PDE1C: variants seen among roughly 807,000 people sequenced by gnomAD.
The protein encoded by PDE1C is phosphodiesterase 1C.
In PDE1C, 62 loss-of-function variants were observed where a neutral mutation model predicts 93.1. The ratio of observed to expected loss-of-function variants is 0.67; its 90% CI spans 0.54 to 0.82. PDE1C has a LOEUF of 0.82. Among genes scored for constraint, PDE1C ranks in the 40% least tolerant of loss-of-function variants. The pLI, the probability that PDE1C is intolerant of heterozygous loss-of-function variation, is 0.00. For missense variants in PDE1C, 742 were observed against 884.6 expected, an observed-to-expected ratio of 0.84 and a Z score of 2.04; for synonymous variants, 325 against 310.1, an observed-to-expected ratio of 1.05 and a Z score of -0.50.
chr7:32,064,201 C>T (rs1182210963), intron 1 of PDE1C, among the ~76,000 whole-genome samples: 1 of 152,192 alleles, frequency 6.6e-6, no homozygotes, highest in Non-Finnish European at 1.5e-5. Flanking sequence ...CTCAGACCCA[C>T]CACTCCAGGC....
At chr7:31,854,601 T>C (rs1217000250) in intron 7 of PDE1C, among the ~76,000 whole-genome samples, 2 of 152,066 alleles carry the variant, frequency 1.3e-5, no homozygotes, top group Non-Finnish European at 2.9e-5. Flanking sequence ...TGAGGAGACA[T>C]GGGGTACAAC....
chr7:31,868,678 C>T (rs1242952290), intron 6 of PDE1C, among the ~76,000 whole-genome samples: 1 of 151,798 alleles, frequency 6.6e-6, no homozygotes, highest in East Asian at 1.9e-4. Flanking sequence ...ACTTAGACAC[C>T]CAGACACAGG....
intron 3 of PDE1C, among the ~76,000 whole-genome samples, chr7:32,133,639 C>G (rs1204423666): frequency 6.6e-6 from 1 of 152,128 alleles, no homozygotes; most frequent in Non-Finnish European, 1.5e-5. Context: ...ACACGCATGA[C>G]AGCTTATATT....
chr7:31,691,972 T>C, the PDE1C span, among the ~76,000 whole-genome samples: 1 of 152,142 alleles, frequency 6.6e-6, no homozygotes, highest in East Asian at 1.9e-4. Context: ...CTAAATTAAT[T>C]AAATTTTCTG....
chr7:32,383,319 A>G (rs114377342), intron 1 of PDE1C, among the ~76,000 whole-genome samples: 1 of 152,358 alleles, frequency 6.6e-6, no homozygotes, highest in African/African-American at 2.4e-5. Context: ...GCCCAGTGAT[A>G]GAGCCCTGAA....
Position 31,876,449 on chromosome 7 carries a change from T to C in PDE1C, c.492+1521A>G, listed in dbSNP as rs1332287020. Among the ~76,000 whole-genome samples, 6 of 152,130 alleles carry C rather than the reference T, an allele frequency of 3.9e-5. No homozygotes were observed. In the East Asian group the frequency reaches 1.2e-3, roughly 29 times the overall value. Reference sequence around the variant, plus strand: ...CCAATTCTTTCTCAGTTATTCTGCATAGAAAAGAGGCTTCAATTTGGATAG... The same window carrying C: ...CCAATTCTTTCTCAGTTATTCTGCACAGAAAAGAGGCTTCAATTTGGATAG... On this transcript the variant is annotated intron_variant, in intron 5 of 17. Coordinates refer to ENST00000396191, the MANE Select transcript of PDE1C (RefSeq NM_001191057.4).
intron 16 of PDE1C, among the ~76,000 whole-genome samples, chr7:31,792,843 C>G (rs560732893): frequency 6.6e-6 from 1 of 152,152 alleles, no homozygotes; most frequent in Admixed American, 6.5e-5. Flanking sequence ...TTGAAGGCCA[C>G]AAAAAGTAGT....
chr7:32,289,811 C>G (rs1453575490), intron 1 of PDE1C, among the ~76,000 whole-genome samples: 1 of 152,166 alleles, frequency 6.6e-6, no homozygotes, highest in African/African-American at 2.4e-5. Context: ...TTTTCTCCTC[C>G]CCAAGCCCGT....
chr7:32,398,569 A>G (rs898279148), intron 1 of PDE1C, among the ~76,000 whole-genome samples: 1 of 151,768 alleles, frequency 6.6e-6, no homozygotes, highest in African/African-American at 2.4e-5. Flanking sequence ...TTGTATTTTT[A>G]GTAGAGATGG....
chr7:31,839,378 T>C (rs926694394), intron 9 of PDE1C, among the ~76,000 whole-genome samples: 2 of 141,646 alleles, frequency 1.4e-5, no homozygotes, highest in African/African-American at 5.5e-5. Flanking sequence ...TTAACACAGA[T>C]ACTAGATATA....
chr7:32,112,680 C>T (rs560997069), intron 3 of PDE1C, among the ~76,000 whole-genome samples: 164 of 150,930 alleles, frequency 1.1e-3, no homozygotes, highest in African/African-American at 3.7e-3. Flanking sequence ...GTCTTGTAAT[C>T]CTGGCCTGAA....
chr7:31,995,415 T>A (rs1006888758), intron 2 of PDE1C, among the ~76,000 whole-genome samples: 2 of 151,972 alleles, frequency 1.3e-5, no homozygotes, highest in African/African-American at 2.4e-5. Context: ...AAACCTGCTA[T>A]GCCCAGAAGC....
intron 9 of PDE1C, 50 bp downstream of exon 9, chr7:31,847,917 CT>C (rs763027064): frequency 6.2e-7 from 1 of 1,602,534 alleles, no homozygotes; most frequent in Admixed American, 1.7e-5. Flanking sequence ...CTTCATCCAA[CT>C]TCAAAGTTCC....
chr7:31,758,684 T>C (rs1794631615), intron 17 of PDE1C, among the ~76,000 whole-genome samples: 1 of 152,230 alleles, frequency 6.6e-6, no homozygotes, highest in Non-Finnish European at 1.5e-5. Flanking sequence ...TCTTCTATAT[T>C]ATTATAGGTT....
At chr7:32,327,789 A>AAAAAAG (rs1554306795) in intron 1 of PDE1C, among the ~76,000 whole-genome samples, 3 of 132,236 alleles carry the variant, frequency 2.3e-5, no homozygotes, top group African/African-American at 8.3e-5. Context: ...AAAAAAAAAA[A>AAAAAAG]AGAGAATCAT....
At chr7:32,171,555 T>C (rs1802653568) in intron 2 of PDE1C, among the ~76,000 whole-genome samples, 1 of 149,678 alleles carries the variant, frequency 6.7e-6, no homozygotes, top group South Asian at 2.1e-4. Context: ...TTTATTATTT[T>C]AACAAAATTA....
chr7:31,656,132 C>CT, the PDE1C span: 1 of 636,676 alleles, frequency 1.6e-6, no homozygotes, highest in Non-Finnish European at 2.0e-6. Context: ...TATCACTTTG[C>CT]TTTTTTGTTA....
rs1164768812 is a variant in PDE1C, at chr7:32,420,122, TATACACACACACACACAC to T, written c.310+7682_310+7699del. 3.1e-4 allele frequency among the ~76,000 whole-genome samples: 6 copies of T among 19,562 alleles called. 1 individual carries two copies. The highest frequency in any genetic ancestry group is 2.0e-3 in the Admixed American group (2 of 1,014). The allele number at this position is 19,562 out of a possible 152,430, so 12.8% of individuals were successfully genotyped here. On this transcript the variant is annotated intron_variant, in intron 1 of 1. Coordinates refer to the PDE1C transcript ENST00000672256. ...ATATATATATATATATATATATATA[TATACACACACACACACAC>T]ACACACACACACACACACATATATA... is the stretch of plus-strand genomic sequence containing the variant.
intron 17 of PDE1C, among the ~76,000 whole-genome samples, chr7:31,754,705 TA>T (rs1794343158): frequency 1.3e-5 from 2 of 152,172 alleles, no homozygotes; most frequent in Non-Finnish European, 1.5e-5. Context: ...ATAGAGATGA[TA>T]AAAACATCAG....
Sources: allele counts gnomAD v4.1 joint callset (sites outside exome capture counted in the v4.1 genomes callset), GRCh38; gene constraint gnomAD v4.1.1; transcripts MANE v1.5; gene names NCBI Gene and HGNC (gene_info 2026-07-23, HGNC 2026-07-21).